GALNT17: variants seen among roughly 807,000 people sequenced by gnomAD.
The protein encoded by GALNT17 is polypeptide N-acetylgalactosaminyltransferase 17, also known as UDP-GalNAc:polypeptide N-acetylgalactosaminyltransferase-like 3.
In GALNT17, 29 loss-of-function variants were observed where a neutral mutation model predicts 63.7. The ratio of observed to expected loss-of-function variants is 0.46; its 90% confidence interval spans 0.34 to 0.62. The LOEUF (loss-of-function observed/expected upper bound fraction) is 0.62, where lower values mean the gene tolerates loss of function less well. Ranked by LOEUF, GALNT17 falls within the 20% of genes least tolerant of loss-of-function variation. The pLI, the probability that GALNT17 is intolerant of heterozygous loss-of-function variation, is 0.01. For synonymous variants in GALNT17, 305 were observed against 318.3 expected (o/e 0.96, Z 0.45); for missense variants, 603 against 799.6 (o/e 0.75, Z 2.97).
chr7:71,697,676 C>T (rs149190075), intron 9 of GALNT17, among the ~76,000 whole-genome samples: 10 of 152,104 alleles, frequency 6.6e-5, no homozygotes, highest in Non-Finnish European at 1.5e-4. Context: ...AGTGGCTTGG[C>T]CATAATTTGG....
chr7:71,374,677 A>G (rs1395344724), intron 2 of GALNT17, among the ~76,000 whole-genome samples: 1 of 151,520 alleles, frequency 6.6e-6, no homozygotes, highest in Non-Finnish European at 1.5e-5. Context: ...ATTTTCCCAC[A>G]TAGTAGAAAC....
chr7:71,373,229 A>G (rs1262156380), intron 2 of GALNT17, among the ~76,000 whole-genome samples: 1 of 152,206 alleles, frequency 6.6e-6, no homozygotes, highest in Admixed American at 6.5e-5. Flanking sequence ...CTTACCAGGA[A>G]TGGTGGAGTC....
chr7:71,323,408 T>C (rs1423212994), intron 1 of GALNT17, among the ~76,000 whole-genome samples: 1 of 152,182 alleles, frequency 6.6e-6, no homozygotes, highest in African/African-American at 2.4e-5. Context: ...TAAGTTGGAC[T>C]GCAGGTGTAC....
chr7:71,555,706 T>C (rs1789152741), intron 5 of GALNT17, among the ~76,000 whole-genome samples: 1 of 151,986 alleles, frequency 6.6e-6, no homozygotes. Context: ...TGTCTGGGAG[T>C]GCACCTCAAC....
chr7:71,316,611 TG>T (rs368235444), intron 1 of GALNT17, among the ~76,000 whole-genome samples: 240 of 152,238 alleles, frequency 1.6e-3, no homozygotes, highest in South Asian at 2.5e-3. Flanking sequence ...CAGCTCCAGC[TG>T]ACCTGCTGGA....
chr7:71,357,450 G>C (rs1025116214), intron 2 of GALNT17, among the ~76,000 whole-genome samples: 16 of 152,172 alleles, frequency 1.1e-4, no homozygotes, highest in African/African-American at 3.6e-4. Flanking sequence ...TGTCTTCCAT[G>C]AAACTGGCCC....
At chr7:71,504,972 G>A (rs959189975) in intron 5 of GALNT17, among the ~76,000 whole-genome samples, 5 of 152,116 alleles carry the variant, frequency 3.3e-5, no homozygotes, top group Non-Finnish European at 7.4e-5. Flanking sequence ...ACATTCTCCA[G>A]CATATATCCC....
At chr7:71,172,417 A>G (rs76599675) in intron 1 of GALNT17, among the ~76,000 whole-genome samples, 4,637 of 151,252 alleles carry the variant, frequency 0.031, 196 homozygotes, top group East Asian at 0.11. Flanking sequence ...TGATCTCACC[A>G]CCACTGTATT....
At chr7:71,222,706 G>C (rs1469121181) in intron 1 of GALNT17, among the ~76,000 whole-genome samples, 1 of 152,188 alleles carries the variant, frequency 6.6e-6, no homozygotes, top group Non-Finnish European at 1.5e-5. Context: ...AAGGACATCA[G>C]AGAGGTGATG....
chr7:71,612,634 T>C (rs146502060), intron 6 of GALNT17, among the ~76,000 whole-genome samples: 144 of 152,306 alleles, frequency 9.5e-4, no homozygotes, highest in African/African-American at 3.4e-3. Context: ...TGGGTTTCTT[T>C]ACAGAATGCT....
At chr7:71,583,157 G>A (rs34154732) in intron 6 of GALNT17, among the ~76,000 whole-genome samples, 43,015 of 152,066 alleles carry the variant, frequency 0.28, 7,962 homozygotes, top group Non-Finnish European at 0.4. Context: ...TGCAGTAGCA[G>A]GATCGCGACT....
chr7:71,677,671 C>T (rs993497585), intron 9 of GALNT17, among the ~76,000 whole-genome samples: 22 of 151,900 alleles, frequency 1.4e-4, no homozygotes, highest in African/African-American at 5.1e-4. Context: ...CCCGCCACTG[C>T]GCCCAGCTAA....
At chr7:71,153,690 G>T (rs1173939128) in intron 1 of GALNT17, among the ~76,000 whole-genome samples, 1 of 152,122 alleles carries the variant, frequency 6.6e-6, no homozygotes, top group Non-Finnish European at 1.5e-5. Flanking sequence ...GCCGAGGCCG[G>T]TGGATCATTT....
At chr7:71,497,647 A>C (rs1271710774) in intron 5 of GALNT17, among the ~76,000 whole-genome samples, 1 of 152,240 alleles carries the variant, frequency 6.6e-6, no homozygotes, top group African/African-American at 2.4e-5. Context: ...ATGACAGTCC[A>C]TTAAATGTAA....
chr7:71,185,195 C>G (rs925206047), intron 1 of GALNT17, among the ~76,000 whole-genome samples: 2 of 141,702 alleles, frequency 1.4e-5, no homozygotes, highest in African/African-American at 2.6e-5. Flanking sequence ...CTCTGTCTCT[C>G]TCTGTCTGTC....
chr7:71,135,524 T>C (rs947388297), intron 1 of GALNT17, among the ~76,000 whole-genome samples: 3 of 152,192 alleles, frequency 2.0e-5, no homozygotes, highest in African/African-American at 7.2e-5. Context: ...GAACCTGGAA[T>C]GTCAGGCTCC....
intron 2 of GALNT17, among the ~76,000 whole-genome samples, chr7:71,371,992 G>A (rs1792632145): frequency 6.6e-6 from 1 of 152,062 alleles, no homozygotes; most frequent in Non-Finnish European, 1.5e-5. Flanking sequence ...GAGTTATTAT[G>A]TTGTGTGTGA....
chr7:71,694,359 A>ATTTTTT (rs34576267), intron 9 of GALNT17, among the ~76,000 whole-genome samples: 1 of 138,692 alleles, frequency 7.2e-6, no homozygotes. Flanking sequence ...AATTATCCCA[A>ATTTTTT]TTTTTTTTTT....
chr7:71,388,380 G>T lies in GALNT17; in HGVS notation c.568G>T (p.Val190Leu). 1.9e-6 allele frequency: 3 copies of T among 1,613,978 alleles called. No homozygotes were observed. Among genetic ancestry groups the T allele is most frequent in the Non-Finnish European group, 2.5e-6 (3 of 1,179,960 alleles). ...ACACCTGCTGAAGGAAATCATTCTG[G>T]TGGATGACAACAGCGACGAAGGTAC... ...PTHLLKEIILVDDNSDEEELK... is the reference protein window; with the variant it reads ...PTHLLKEIILLDDNSDEEELK... The change falls in exon 3 of 11, where the codon GTG becomes TTG. Residue 190 changes from valine to leucine, a missense_variant. Physicochemically the swap from Val to Leu is conservative, Grantham distance 32 (BLOSUM62 1). This residue lies in a region of GALNT17 where 336 missense variants were observed against 507.8 expected (regional missense o/e 0.66). Transcript: ENST00000333538.
Sources: gnomAD v4.1 joint callset for allele counts (sites outside exome capture counted in the v4.1 genomes callset) on GRCh38, gnomAD v4.1.1 for gene constraint, gnomAD v4.1.1 regional missense constraint, MANE v1.5 for transcripts, NCBI Gene and HGNC (gene_info 2026-07-23, HGNC 2026-07-21) for gene names.